ITIH5: variants seen among roughly 807,000 people sequenced by gnomAD.
The protein encoded by ITIH5 is inter-alpha-trypsin inhibitor heavy chain 5.
A neutral mutation model predicts 77.5 loss-of-function variants in ITIH5; 65 were observed. That is an observed-to-expected ratio of 0.84 (90% CI 0.69 to 1.03). The LOEUF is 1.03. Among genes scored for constraint, ITIH5 ranks in the 50% least tolerant of loss-of-function variants. The pLI is 0.00. For synonymous variants in ITIH5, 525 were observed against 494.3 expected, an observed-to-expected ratio of 1.06 and a Z score of -0.82; for missense variants, 1,208 against 1,213.1, an observed-to-expected ratio of 1.00 and a Z score of 0.06.
intron 2 of ITIH5, among the ~76,000 whole-genome samples, chr10:7,654,331 G>A (rs1834146840): frequency 6.6e-6 from 1 of 152,148 alleles, no homozygotes; most frequent in Non-Finnish European, 1.5e-5. Flanking sequence ...GTATTGCTGG[G>A]AGGCTATTCT....
In ITIH5 at chr10:7,563,404, C is replaced by T. The variant is rs1832077606; in HGVS notation, c.2528-20G>A. On this transcript the variant is annotated intron_variant, in intron 13 of 13. Transcript: ENST00000397146. The stretch of plus-strand genomic sequence containing the variant: ...ACTGACCTGGGAGGACAAGGAAAAG[C>T]ATCGGGTCTCAGTCAAATGCAGAAA... The T allele has an allele frequency of 6.2e-7, 1 of 1,603,096 alleles. No homozygotes were observed.
intron 7 of ITIH5, among the ~76,000 whole-genome samples, chr10:7,603,393 A>T (rs2131010701): frequency 6.6e-6 from 1 of 152,242 alleles, no homozygotes; most frequent in Non-Finnish European, 1.5e-5. Flanking sequence ...GGCTAGAAAA[A>T]GGGGTGAACA....
intron 7 of ITIH5, among the ~76,000 whole-genome samples, chr10:7,590,646 G>A (rs867663575): frequency 2.6e-5 from 4 of 152,208 alleles, no homozygotes; most frequent in South Asian, 2.1e-4. Flanking sequence ...GCATCCTCCT[G>A]CACGCATCCA....
chr10:7,565,366 C>T (rs1319245787), intron 13 of ITIH5, among the ~76,000 whole-genome samples: 2 of 149,580 alleles, frequency 1.3e-5, no homozygotes, highest in Non-Finnish European at 3.0e-5. Context: ...TATACATACA[C>T]AGACTATGTA....
intron 2 of ITIH5, among the ~76,000 whole-genome samples, chr10:7,644,429 T>TATCATATATATCACATATAG (rs1833943214): frequency 1.4e-5 from 2 of 140,378 alleles, no homozygotes; most frequent in Non-Finnish European, 3.0e-5. Context: ...ATATCACATA[T>TATCATATATATCACATATAG]ATCATATATA....
At chr10:7,568,389 C>T (rs1216014302) in intron 12 of ITIH5, among the ~76,000 whole-genome samples, 2 of 152,172 alleles carry the variant, frequency 1.3e-5, no homozygotes, top group East Asian at 3.8e-4. Flanking sequence ...AAGTTCTAAG[C>T]ATTTTCAGGC....
intron 11 of ITIH5, chr10:7,572,179 G>A (rs1307839797): frequency 8.4e-7 from 1 of 1,197,520 alleles, no homozygotes; most frequent in East Asian, 5.8e-5. Context: ...TATATCCACA[G>A]CTCATCTCCG....
At chr10:7,638,722 G>A (rs144938425) in intron 4 of ITIH5, among the ~76,000 whole-genome samples, 11 of 152,284 alleles carry the variant, frequency 7.2e-5, no homozygotes, top group African/African-American at 2.4e-4. Flanking sequence ...AGAAGAATAC[G>A]AAAAGAGATA....
intron 8 of ITIH5, among the ~76,000 whole-genome samples, chr10:7,580,588 C>T (rs1297137742): frequency 7.9e-5 from 12 of 152,190 alleles, no homozygotes; most frequent in South Asian, 2.1e-4. Flanking sequence ...AGGCATGTGG[C>T]GACGCCTTAG....
intron 7 of ITIH5, chr10:7,600,421 A>T: frequency 2.4e-6 from 1 of 413,262 alleles, no homozygotes; most frequent in South Asian, 1.8e-5. Flanking sequence ...TGTCTCCTGA[A>T]CATCTCTGAG....
chr10:7,569,623 C>G, intron 12 of ITIH5, 45 bp downstream of exon 12: 2 of 1,288,918 alleles, frequency 1.6e-6, no homozygotes, highest in Non-Finnish European at 2.2e-6. Context: ...GATGCAGTAC[C>G]TACCTGGTCC....
At chr10:7,597,279 T>A (rs544545534) in intron 7 of ITIH5, among the ~76,000 whole-genome samples, 2 of 152,094 alleles carry the variant, frequency 1.3e-5, no homozygotes, top group African/African-American at 2.4e-5. Context: ...GTCTGTACTG[T>A]CCTTGGGCCT....
chr10:7,598,770 C>T (rs2131002016), intron 7 of ITIH5, among the ~76,000 whole-genome samples: 1 of 152,256 alleles, frequency 6.6e-6, no homozygotes, highest in South Asian at 2.1e-4. Context: ...ATACCAATAC[C>T]ACTTCAAGAC....
At chr10:7,580,363 G>T (rs182774620) in intron 8 of ITIH5, among the ~76,000 whole-genome samples, 1 of 152,022 alleles carries the variant, frequency 6.6e-6, no homozygotes, top group Non-Finnish European at 1.5e-5. Context: ...CAAGTAATCC[G>T]CCCACCTTGG....
Position 7,563,388 on chromosome 10 carries a change from G to A in ITIH5, c.2528-4C>T, listed in dbSNP as rs746207276. Reference sequence around the variant, plus strand: ...GCATCCTGATTCAGGAACTGACCTGGGAGGACAAGGAAAAGCATCGGGTCT... The same window carrying A: ...GCATCCTGATTCAGGAACTGACCTGAGAGGACAAGGAAAAGCATCGGGTCT... On this transcript the variant is annotated splice_region_variant and splice_polypyrimidine_tract_variant and intron_variant, in intron 13 of 13. Transcript: ENST00000397146. 6.2e-7 allele frequency: 1 copy of A among 1,607,630 alleles called. No individual in the cohort carries two copies. Among genetic ancestry groups the A allele is most frequent in the South Asian group, 1.1e-5 (1 of 90,888 alleles).
chr10:7,587,123 C>A (rs1806479), intron 7 of ITIH5, among the ~76,000 whole-genome samples: 43,008 of 151,934 alleles, frequency 0.28, 6,376 homozygotes, highest in East Asian at 0.49. Flanking sequence ...AGCCACTGCA[C>A]CCGGCTTGGA....
Position 7,624,838 on chromosome 10 carries a change from TATATACAC to T in ITIH5, c.653-7564_653-7557del, listed in dbSNP as rs1341523700. On this transcript the variant is annotated intron_variant, in intron 5 of 13. Coordinates refer to ENST00000397146, the MANE Select transcript of ITIH5 (RefSeq NM_030569.7). ...ACACATATATATGTGTATATACATG[TATATACAC>T]ATATATATGTGTATATATGTATATA... Among the ~76,000 whole-genome samples, 127 of 135,262 alleles carry T rather than the reference TATATACAC, an allele frequency of 9.4e-4. 6 individuals carry two copies. In the East Asian group the frequency reaches 0.01, roughly 11 times the overall value. The allele number at this position is 135,262 out of a possible 152,430, so 88.7% of individuals were successfully genotyped here. A position where few individuals can be genotyped will look rare whatever the true frequency, so the allele number is the denominator to read the frequency against.
At chr10:7,592,976 G>A (rs551091127) in intron 7 of ITIH5, among the ~76,000 whole-genome samples, 12 of 152,234 alleles carry the variant, frequency 7.9e-5, no homozygotes, top group Admixed American at 7.2e-4. Context: ...CAGGCTGCAT[G>A]GGGGCCTGCC....
At chr10:7,666,225 T>C (rs990786336) in intron 1 of ITIH5, among the ~76,000 whole-genome samples, 1 of 152,118 alleles carries the variant, frequency 6.6e-6, no homozygotes, top group Non-Finnish European at 1.5e-5. Context: ...GTTAAGACAT[T>C]TGAAACACAA....
Sources: allele counts gnomAD v4.1 joint callset (sites outside exome capture counted in the v4.1 genomes callset), GRCh38; gene constraint gnomAD v4.1.1; transcripts MANE v1.5; gene names NCBI Gene and HGNC (gene_info 2026-07-23, HGNC 2026-07-21).